Variants in C14orf132 observed in about 807,000 individuals in gnomAD.
C14orf132 encodes the protein chromosome 14 open reading frame 132.
In C14orf132, 6 loss-of-function variants were observed where a neutral mutation model predicts 5.8. The ratio of observed to expected loss-of-function variants is 1.03; its 90% CI spans 0.57 to 2.04. C14orf132 has a LOEUF of 2.04. Among genes scored for constraint, C14orf132 ranks in the 30% most tolerant of loss-of-function variants. C14orf132 has a pLI of 0.00. For missense variants in C14orf132, 125 were observed against 115.8 expected (o/e 1.08, Z -0.37); for synonymous variants, 51 against 49.8 (o/e 1.02, Z -0.10).
Position 96,092,360 on chromosome 14 carries a change from A to C in C14orf132, c.*5625A>C, listed in dbSNP as rs531051172. 1 of 152,228 alleles carries C rather than the reference A, an allele frequency of 6.6e-6. No homozygotes were observed. Among genetic ancestry groups the C allele is most frequent in the East Asian group, 1.9e-4 (1 of 5,174 alleles). The allele number at this position is 152,228 out of a possible 1,614,324, so 9.4% of individuals were successfully genotyped here. ...TTTCAAGCTGATTTCCTGCCTCCCC[A>C]AGAGGAGGTTTGAGCCCCATTCTGC... On this transcript the variant is annotated 3_prime_UTR_variant, in exon 2 of 2. Transcript: ENST00000555004.
intron 1 of C14orf132, among the ~76,000 whole-genome samples, chr14:96,046,231 G>A (rs1886828712): frequency 6.6e-6 from 1 of 152,220 alleles, no homozygotes; most frequent in Non-Finnish European, 1.5e-5. Context: ...TCGGATTCCA[G>A]CTCTTGATGT....
chr14:96,046,628 C>G (rs971199580), intron 1 of C14orf132, among the ~76,000 whole-genome samples: 1 of 152,252 alleles, frequency 6.6e-6, no homozygotes, highest in African/African-American at 2.4e-5. Context: ...CTCTTGGAAT[C>G]TGGCCCTTGC....
chr14:96,050,147 T>G (rs1407653451), intron 1 of C14orf132, among the ~76,000 whole-genome samples: 2 of 152,220 alleles, frequency 1.3e-5, no homozygotes, highest in Non-Finnish European at 2.9e-5. Flanking sequence ...ACATGCCTGA[T>G]AATTCTTGGT....
intron 1 of C14orf132, among the ~76,000 whole-genome samples, chr14:96,062,822 A>G (rs1449508457): frequency 1.3e-5 from 2 of 152,146 alleles, no homozygotes; most frequent in Non-Finnish European, 1.5e-5. Context: ...GTGCCCTTAC[A>G]TACTCTCAGG....
intron 1 of C14orf132, among the ~76,000 whole-genome samples, chr14:96,040,978 G>T (rs781536556): frequency 1.3e-5 from 2 of 152,142 alleles, no homozygotes; most frequent in Non-Finnish European, 1.5e-5. Flanking sequence ...GCTAACCCTG[G>T]AGCTGGCTGG....
intron 1 of C14orf132, among the ~76,000 whole-genome samples, chr14:96,068,572 C>T (rs571802980): frequency 3.9e-5 from 6 of 152,246 alleles, no homozygotes; most frequent in African/African-American, 1.4e-4. Context: ...CTCTTTGGAG[C>T]TCTCTATTTC....
intron 1 of C14orf132, among the ~76,000 whole-genome samples, chr14:96,082,185 CTT>C (rs1888049735): frequency 1.3e-5 from 2 of 152,212 alleles, no homozygotes; most frequent in African/African-American, 4.8e-5. Context: ...AGTGGCCACC[CTT>C]GCCCACTGGC....
chr14:96,077,175 A>G (rs1287414633), intron 1 of C14orf132, among the ~76,000 whole-genome samples: 1 of 152,222 alleles, frequency 6.6e-6, no homozygotes, highest in Non-Finnish European at 1.5e-5. Flanking sequence ...TGATGGTGAC[A>G]TTCAGGTCTT....
intron 1 of C14orf132, among the ~76,000 whole-genome samples, chr14:96,072,562 G>A (rs1156375324): frequency 6.6e-6 from 1 of 152,214 alleles, no homozygotes; most frequent in Non-Finnish European, 1.5e-5. Context: ...TCTCTAACTT[G>A]TAACAAATGC....
At chr14:96,063,492 A>G (rs906782740) in intron 1 of C14orf132, among the ~76,000 whole-genome samples, 48 of 152,050 alleles carry the variant, frequency 3.2e-4, no homozygotes, top group Non-Finnish European at 1.0e-4. Context: ...TATTTTTAGT[A>G]GAGACGGGGT....
At chr14:96,072,444 C>T in intron 1 of C14orf132, among the ~76,000 whole-genome samples, 1 of 152,200 alleles carries the variant, frequency 6.6e-6, no homozygotes, top group Non-Finnish European at 1.5e-5. Flanking sequence ...GGGCTTGCCA[C>T]AGTGCCTGGC....
rs148067844 is a variant in C14orf132 at position 96,056,378 on chromosome 14, A to C, written c.27+16851A>C. On this transcript the variant is annotated intron_variant, in intron 1 of 1. Transcript: ENST00000555004. ...TTGGCCTTGACAATACTGCTCTCAC[A>C]TTGTGCGACCTTAGGGAGAGGAGAG... Among the ~76,000 whole-genome samples the C allele has an allele frequency of 4.5e-4, 69 of 152,248 alleles. No homozygotes were observed. The East Asian group carries it at 0.012, about 27-fold the overall frequency.
rs191583121 is a variant in C14orf132, at chr14:96,059,282, C to G, written c.27+19755C>G. On this transcript the variant is annotated intron_variant, in intron 1 of 1. Coordinates refer to ENST00000555004, the MANE Select transcript of C14orf132 (RefSeq NM_001252507.3). ...CCTAGGCGACAGAATGAGACACTGT[C>G]AAAAAAACAAAACAAAATGAAAAAC... Among the ~76,000 whole-genome samples, 11 of 152,034 alleles carry G rather than the reference C, an allele frequency of 7.2e-5. No homozygotes were observed. The South Asian group carries it at 1.0e-3, about 14-fold the overall frequency.
intron 1 of C14orf132, among the ~76,000 whole-genome samples, chr14:96,045,157 C>T (rs1408082005): frequency 1.3e-5 from 2 of 152,188 alleles, no homozygotes; most frequent in African/African-American, 4.8e-5. Flanking sequence ...GTGTGCCAGG[C>T]CCTCCCTACA....
At chr14:96,070,606 A>T (rs1307521515) in intron 1 of C14orf132, among the ~76,000 whole-genome samples, 24 of 150,906 alleles carry the variant, frequency 1.6e-4, no homozygotes, top group South Asian at 6.3e-4. Flanking sequence ...TCACACACAC[A>T]CACACACACA....
chr14:96,059,965 G>T (rs1887298816), intron 1 of C14orf132, among the ~76,000 whole-genome samples: 1 of 152,196 alleles, frequency 6.6e-6, no homozygotes, highest in East Asian at 1.9e-4. Flanking sequence ...CACCAGTCAG[G>T]CTGAGACACA....
At chr14:96,058,200 G>A (rs575796909) in intron 1 of C14orf132, among the ~76,000 whole-genome samples, 8 of 152,198 alleles carry the variant, frequency 5.3e-5, no homozygotes, top group Non-Finnish European at 5.9e-5. Flanking sequence ...CACTTCGTGA[G>A]GCACATCCTC....
At chr14:96,063,222 A>T (rs1450582437) in intron 1 of C14orf132, among the ~76,000 whole-genome samples, 1 of 152,096 alleles carries the variant, frequency 6.6e-6, no homozygotes, top group Non-Finnish European at 1.5e-5. Context: ...TCAGGAACAG[A>T]GGGTGAATAG....
At chr14:96,056,514 G>A (rs1227060409) in intron 1 of C14orf132, among the ~76,000 whole-genome samples, 1 of 152,182 alleles carries the variant, frequency 6.6e-6, no homozygotes, top group Non-Finnish European at 1.5e-5. Context: ...TCCCGAGTTT[G>A]AAACCAGCTG....
Sources: gnomAD v4.1 joint callset for allele counts (sites outside exome capture counted in the v4.1 genomes callset) on GRCh38, gnomAD v4.1.1 for gene constraint, MANE v1.5 for transcripts, NCBI Gene and HGNC (gene_info 2026-07-23, HGNC 2026-07-21) for gene names.